FRMD4A: variants seen among roughly 807,000 people sequenced by gnomAD.
FRMD4A encodes the protein FERM domain-containing protein 4A.
FRMD4A carries 29 observed loss-of-function variants against 129.1 expected under a neutral mutation model. The observed-to-expected ratio is 0.22, with a 90% confidence interval of 0.17 to 0.31. The LOEUF is 0.31. Ranked by LOEUF, FRMD4A falls within the 10% of genes least tolerant of loss-of-function variation. The pLI is 1.00. For missense variants in FRMD4A, 1,272 were observed against 1,375.8 expected, an observed-to-expected ratio of 0.92 and a Z score of 1.19; for synonymous variants, 634 against 571.6, an observed-to-expected ratio of 1.11 and a Z score of -1.56.
intron 2 of FRMD4A, among the ~76,000 whole-genome samples, chr10:14,093,667 T>C (rs1249376581): frequency 6.6e-6 from 1 of 152,224 alleles, no homozygotes; most frequent in Non-Finnish European, 1.5e-5. Flanking sequence ...ATTTCAACCA[T>C]ATTATGAATA....
At chr10:13,665,243 A>G (rs2082931597) in intron 18 of FRMD4A, among the ~76,000 whole-genome samples, 1 of 151,970 alleles carries the variant, frequency 6.6e-6, no homozygotes, top group South Asian at 2.1e-4. Context: ...AACCGTCACC[A>G]CCATCCATCT....
intron 2 of FRMD4A, among the ~76,000 whole-genome samples, chr10:14,262,127 C>T (rs558309148): frequency 1.2e-4 from 18 of 152,124 alleles, no homozygotes; most frequent in South Asian, 4.1e-4. Context: ...GTAAAGAGTT[C>T]GGGGAAAACC....
chr10:13,820,405 C>T (rs539173849), intron 3 of FRMD4A, among the ~76,000 whole-genome samples: 9 of 152,252 alleles, frequency 5.9e-5, no homozygotes, highest in East Asian at 3.9e-4. Context: ...GGAAGGCAGG[C>T]GGGCCTTGGT....
chr10:13,722,987 T>A (rs946580470), intron 12 of FRMD4A, among the ~76,000 whole-genome samples: 4 of 152,024 alleles, frequency 2.6e-5, no homozygotes, highest in African/African-American at 7.3e-5. Flanking sequence ...CTTAGCTACA[T>A]CCCTATGCTG....
At chr10:14,184,508 TTAC>T (rs1471990455) in intron 2 of FRMD4A, among the ~76,000 whole-genome samples, 1 of 151,916 alleles carries the variant, frequency 6.6e-6, no homozygotes, top group Non-Finnish European at 1.5e-5. Flanking sequence ...AATGGAGAAA[TTAC>T]TACTTCTCCA....
In FRMD4A at chr10:13,740,927, A is replaced by G. The variant is rs1053240272; in HGVS notation, c.549-350T>C. Among the ~76,000 whole-genome samples, 5 of 148,888 alleles carry G rather than the reference A, an allele frequency of 3.4e-5. No individual in the cohort carries two copies. In the Admixed American group the frequency reaches 3.4e-4, roughly 10 times the overall value. On this transcript the variant is annotated intron_variant, in intron 9 of 24. Coordinates refer to ENST00000357447, the MANE Select transcript of FRMD4A (RefSeq NM_018027.5). ...CTGCAACCTCCACCTCCCGAGTTCA[A>G]GCAATTCTTGTGCCTCAGCCTCCAG... is the stretch of plus-strand genomic sequence containing the variant.
At chr10:13,786,349 A>C (rs890982898) in intron 5 of FRMD4A, among the ~76,000 whole-genome samples, 1 of 152,272 alleles carries the variant, frequency 6.6e-6, no homozygotes, top group Non-Finnish European at 1.5e-5. Flanking sequence ...TCATGCCTGT[A>C]ATCCCAGCAC....
intron 3 of FRMD4A, among the ~76,000 whole-genome samples, chr10:13,846,721 C>G (rs1367171139): frequency 6.6e-6 from 1 of 152,180 alleles, no homozygotes; most frequent in Non-Finnish European, 1.5e-5. Flanking sequence ...GATACACTGT[C>G]TCTCGTAAAC....
chr10:14,017,621 TCAA>T (rs1467798831), intron 2 of FRMD4A, among the ~76,000 whole-genome samples: 2 of 152,286 alleles, frequency 1.3e-5, no homozygotes, highest in Non-Finnish European at 2.9e-5. Flanking sequence ...GCAATTTTCT[TCAA>T]CAGGGGAATA....
At chr10:14,245,998 C>T (rs1025038739) in intron 2 of FRMD4A, among the ~76,000 whole-genome samples, 3 of 152,156 alleles carry the variant, frequency 2.0e-5, no homozygotes, top group African/African-American at 7.2e-5. Flanking sequence ...GAACCTCCCT[C>T]CGTCATCTGC....
intron 2 of FRMD4A, among the ~76,000 whole-genome samples, chr10:14,094,342 A>G (rs1836825740): frequency 1.3e-5 from 2 of 152,240 alleles, no homozygotes; most frequent in Non-Finnish European, 2.9e-5. Context: ...AGGCATCAAA[A>G]CCGTGTTAAC....
chr10:13,796,812 C>A (rs1385281142), intron 4 of FRMD4A, among the ~76,000 whole-genome samples: 1 of 152,128 alleles, frequency 6.6e-6, no homozygotes, highest in Non-Finnish European at 1.5e-5. Flanking sequence ...CCTCTGCCTC[C>A]TGGGTTTAAG....
At position 13,915,858 on chromosome 10, in the gene FRMD4A, C is replaced by T. The variant is rs576838577; in HGVS notation, c.46-56946G>A. ...AGAGGGAATCCCTGCTCCCTGTGGG[C>T]GGTTGGCCTCCTGACCTCTGAGGTC... On this transcript the variant is annotated intron_variant, in intron 2 of 24. Coordinates refer to ENST00000357447, the MANE Select transcript of FRMD4A (RefSeq NM_018027.5). Among the ~76,000 whole-genome samples, 7 of 152,218 alleles carry T rather than the reference C, an allele frequency of 4.6e-5. No homozygotes were observed. The South Asian group carries it at 6.2e-4, about 14-fold the overall frequency.
chr10:13,654,538 CAG>C (rs781510353), intron 22 of FRMD4A, 26 bp from the exon 23 acceptor site: 4 of 1,458,358 alleles, frequency 2.7e-6, no homozygotes, highest in Non-Finnish European at 3.8e-6. Context: ...GCAAGAAAGG[CAG>C]AGAGCAGACA....
chr10:13,667,579 T>G (rs2083159367), intron 17 of FRMD4A: 1 of 152,220 alleles, frequency 6.6e-6, no homozygotes, highest in Non-Finnish European at 1.5e-5. Context: ...TCTGCAGATG[T>G]ATGTACACCA....
intron 5 of FRMD4A, among the ~76,000 whole-genome samples, chr10:13,791,912 C>A (rs570885702): frequency 6.6e-6 from 1 of 152,278 alleles, no homozygotes; most frequent in East Asian, 1.9e-4. Context: ...TACCTTCCGG[C>A]GGGTCTCCAC....
intron 2 of FRMD4A, among the ~76,000 whole-genome samples, chr10:13,984,911 T>C (rs1042302494): frequency 6.6e-6 from 1 of 152,214 alleles, no homozygotes; most frequent in African/African-American, 2.4e-5. Flanking sequence ...CCCATGGCAA[T>C]CCTGTGTGTA....
chr10:14,263,004 G>A, intron 2 of FRMD4A, among the ~76,000 whole-genome samples: 1 of 152,216 alleles, frequency 6.6e-6, no homozygotes, highest in South Asian at 2.1e-4. Flanking sequence ...GGCGAGAGGG[G>A]GAAATACACC....
intron 15 of FRMD4A, among the ~76,000 whole-genome samples, chr10:13,680,713 G>A (rs566952157): frequency 1.1e-4 from 16 of 151,878 alleles, no homozygotes; most frequent in South Asian, 1.0e-3. Flanking sequence ...GTGACAGAGC[G>A]AGACTCCATT....
Sources: allele counts gnomAD v4.1 joint callset (sites outside exome capture counted in the v4.1 genomes callset), GRCh38; gene constraint gnomAD v4.1.1; transcripts MANE v1.5; gene names NCBI Gene and HGNC (gene_info 2026-07-23, HGNC 2026-07-21).